CACNB2: variants seen among roughly 807,000 people sequenced by gnomAD.
The protein encoded by CACNB2 is voltage-dependent L-type calcium channel subunit beta-2.
A neutral mutation model predicts 73.3 loss-of-function variants in CACNB2; 42 were observed. The observed-to-expected ratio is 0.57, with a 90% CI of 0.45 to 0.74. The LOEUF is 0.74. CACNB2 is among the 30% of genes least tolerant of loss of function. The probability of loss-of-function intolerance (pLI) is 0.00; values close to 1 mark genes in which losing one functional copy is unlikely to be tolerated. For missense variants in CACNB2, 940 were observed against 853.0 expected, an observed-to-expected ratio of 1.10 and a Z score of -1.27; for synonymous variants, 348 against 310.3, an observed-to-expected ratio of 1.12 and a Z score of -1.28.
rs118083131 is a variant in CACNB2, at chr10:18,208,674, T to C, written c.213+57699T>C. ...GAATCTGACGTTATTCCTCATTCCT[T>C]ATTGCTTGTTCACCTTATTTGTTAA... is the stretch of plus-strand genomic sequence containing the variant. On this transcript the variant is annotated intron_variant, in intron 2 of 13. Transcript: ENST00000324631. Among the ~76,000 whole-genome samples the C allele has an allele frequency of 9.1e-4, 138 of 152,128 alleles. 1 individual carries two copies. Among genetic ancestry groups the C allele is most frequent in the Admixed American group, 1.6e-3 (25 of 15,270 alleles).
intron 2 of CACNB2, among the ~76,000 whole-genome samples, chr10:18,372,177 T>C (rs1157425288): frequency 6.6e-6 from 1 of 152,230 alleles, no homozygotes; most frequent in Non-Finnish European, 1.5e-5. Flanking sequence ...GATGGTAGTT[T>C]CTTTTGCTGT....
intron 2 of CACNB2, among the ~76,000 whole-genome samples, chr10:18,343,927 TAATA>T (rs144480471): frequency 6.6e-6 from 1 of 151,862 alleles, no homozygotes; most frequent in African/African-American, 2.4e-5. Context: ...TTCTAAATGG[TAATA>T]AATAAATAAA....
intron 2 of CACNB2, among the ~76,000 whole-genome samples, chr10:18,211,263 C>T (rs1042380216): frequency 3.9e-5 from 6 of 152,090 alleles, no homozygotes; most frequent in Non-Finnish European, 8.8e-5. Context: ...GCAGGGTCAC[C>T]GTGTTTGTGA....
At chr10:18,452,580 G>A (rs1039212059) in intron 3 of CACNB2, among the ~76,000 whole-genome samples, 1 of 152,176 alleles carries the variant, frequency 6.6e-6, no homozygotes, top group African/African-American at 2.4e-5. Context: ...GTCTTGCTCT[G>A]TTAGCCAGGC....
At chr10:18,258,632 AG>A (rs2037386272) in intron 2 of CACNB2, among the ~76,000 whole-genome samples, 1 of 152,164 alleles carries the variant, frequency 6.6e-6, no homozygotes, top group Admixed American at 6.5e-5. Flanking sequence ...AGCCTGAGGA[AG>A]GAGAATCACT....
At chr10:18,432,661 T>G (rs2045945625) in intron 3 of CACNB2, among the ~76,000 whole-genome samples, 1 of 152,038 alleles carries the variant, frequency 6.6e-6, no homozygotes, top group Non-Finnish European at 1.5e-5. Flanking sequence ...TGGTAAAACC[T>G]TGTCTCTACA....
intron 2 of CACNB2, among the ~76,000 whole-genome samples, chr10:18,177,771 G>T (rs1564319775): frequency 6.6e-6 from 1 of 152,092 alleles, no homozygotes; most frequent in Non-Finnish European, 1.5e-5. Context: ...TCTCTTGCTT[G>T]GTTAATCTAC....
chr10:18,336,905 T>C (rs930829387), intron 2 of CACNB2, among the ~76,000 whole-genome samples: 7 of 152,146 alleles, frequency 4.6e-5, no homozygotes, highest in Admixed American at 1.3e-4. Flanking sequence ...TACCAACCCA[T>C]TGTAGAAAGT....
intron 3 of CACNB2, among the ~76,000 whole-genome samples, chr10:18,447,779 TATAAA>T (rs1004915459): frequency 2.6e-5 from 4 of 151,854 alleles, no homozygotes; most frequent in African/African-American, 9.7e-5. Flanking sequence ...TTGTTAATGA[TATAAA>T]ATAAAGATTT....
Position 18,542,252 on chromosome 10 carries a change from C to T in CACNB2, c.*2528C>T, listed in dbSNP as rs1210292003. The T allele has an allele frequency of 2.0e-5, 3 of 151,978 alleles. No homozygotes were observed. Among genetic ancestry groups the T allele is most frequent in the Admixed American group, 6.6e-5 (1 of 15,238 alleles). The allele number at this position is 151,978 out of a possible 1,614,324, so 9.4% of individuals were successfully genotyped here. A position where few individuals can be genotyped will look rare whatever the true frequency, so the allele number is the denominator to read the frequency against. On this transcript the variant is annotated 3_prime_UTR_variant, in exon 14 of 14. Coordinates refer to ENST00000324631, the MANE Select transcript of CACNB2 (RefSeq NM_201596.3). ...ATCAGCTTATATATGAAAAAATTTC[C>T]CTCAGTTCGTTAATTAGCCCTACAC...
chr10:18,172,662 A>T (rs2033324274), intron 2 of CACNB2, among the ~76,000 whole-genome samples: 1 of 152,076 alleles, frequency 6.6e-6, no homozygotes, highest in Non-Finnish European at 1.5e-5. Flanking sequence ...TATTAATTTT[A>T]GTGTCATCAG....
chr10:18,316,662 A>G (rs2040198717), intron 2 of CACNB2, among the ~76,000 whole-genome samples: 1 of 151,968 alleles, frequency 6.6e-6, no homozygotes, highest in African/African-American at 2.4e-5. Context: ...CAATTTCACC[A>G]TGTTGCCTCA....
At chr10:18,179,477 A>T (rs2033768651) in intron 2 of CACNB2, among the ~76,000 whole-genome samples, 1 of 152,058 alleles carries the variant, frequency 6.6e-6, no homozygotes, top group South Asian at 2.1e-4. Flanking sequence ...TAAAACTTTG[A>T]TTTTTGTGGT....
chr10:18,539,158 T>C (rs2053897460), intron 13 of CACNB2, 72 bp from the exon 14 acceptor site: 2 of 1,593,422 alleles, frequency 1.3e-6, no homozygotes, highest in Admixed American at 3.3e-5. Flanking sequence ...TCTGCTTGAA[T>C]GCACTTGCTC....
At chr10:18,194,850 T>C (rs966869983) in intron 2 of CACNB2, among the ~76,000 whole-genome samples, 2 of 152,202 alleles carry the variant, frequency 1.3e-5, no homozygotes, top group Non-Finnish European at 2.9e-5. Context: ...TGACATGGAA[T>C]ACAGTTTCGA....
In CACNB2 at chr10:18,172,924, C is replaced by CTTTTTTT. The variant is rs58345605; in HGVS notation, c.213+21958_213+21964dup. ...CTTCAAATAGGGAAAATAATAAGGC[C>CTTTTTTT]TTTTTTTTTTTTTTTAAATGGAGTT... On this transcript the variant is annotated intron_variant, in intron 2 of 13. Transcript: ENST00000324631. 2.3e-3 allele frequency among the ~76,000 whole-genome samples: 269 copies of CTTTTTTT among 117,462 alleles called. 7 individuals carry two copies. Among genetic ancestry groups the CTTTTTTT allele is most frequent in the African/African-American group, 8.2e-3 (248 of 30,116 alleles). 77.1% of individuals were successfully genotyped at this position (117,462 alleles called of 152,430 possible). A position where few individuals can be genotyped will look rare whatever the true frequency, so the allele number is the denominator to read the frequency against.
chr10:18,347,297 C>T (rs575463682), intron 2 of CACNB2, among the ~76,000 whole-genome samples: 216 of 151,606 alleles, frequency 1.4e-3, no homozygotes, highest in Non-Finnish European at 1.7e-3. Context: ...CCTGCCTCAG[C>T]CTCCTGAGTA....
At chr10:18,187,751 G>A (rs1268997137) in intron 2 of CACNB2, among the ~76,000 whole-genome samples, 4 of 152,096 alleles carry the variant, frequency 2.6e-5, no homozygotes, top group African/African-American at 9.7e-5. Context: ...TACTTAACGT[G>A]GTGCATCATC....
Position 18,427,048 on chromosome 10 carries a change from C to T in CACNB2, c.333+25005C>T, listed in dbSNP as rs565573929. Among the ~76,000 whole-genome samples the T allele has an allele frequency of 2.1e-4, 31 of 150,624 alleles. No homozygotes were observed. The South Asian group carries it at 2.1e-3, about 10-fold the overall frequency. On this transcript the variant is annotated intron_variant, in intron 3 of 13. Transcript: ENST00000324631. ...TCGGCTCACGGCAACCTCCGCCTCC[C>T]GGGTTCAAGCGATTCTCCTGCCTTA...
Sources: allele counts gnomAD v4.1 joint callset (sites outside exome capture counted in the v4.1 genomes callset), GRCh38; gene constraint gnomAD v4.1.1; transcripts MANE v1.5; gene names NCBI Gene and HGNC (gene_info 2026-07-23, HGNC 2026-07-21).